The following GALNT13 variants were observed in gnomAD, a reference collection of about 807,000 sequenced individuals.
GALNT13 encodes UDP-GalNAc:polypeptide N-acetylgalactosaminyltransferase 13.
In GALNT13, 28 loss-of-function variants were observed where a neutral mutation model predicts 64.2. That is an observed-to-expected ratio of 0.44 (90% CI 0.32 to 0.60). GALNT13 has a LOEUF of 0.60. Among genes scored for constraint, GALNT13 ranks in the 20% least tolerant of loss-of-function variants. The pLI, the probability that GALNT13 is intolerant of heterozygous loss-of-function variation, is 0.05. For missense variants in GALNT13, 577 were observed against 669.8 expected (o/e 0.86, Z 1.53); for synonymous variants, 214 against 224.6 (o/e 0.95, Z 0.42).
intron 4 of GALNT13, among the ~76,000 whole-genome samples, chr2:154,151,315 TC>T (rs1684005889): frequency 6.6e-6 from 1 of 152,200 alleles, no homozygotes; most frequent in African/African-American, 2.4e-5. Flanking sequence ...TAATTTCTGT[TC>T]TTTTACATTT....
chr2:154,058,222 A>G (rs1334876391), intron 3 of GALNT13, among the ~76,000 whole-genome samples: 1 of 152,128 alleles, frequency 6.6e-6, no homozygotes, highest in African/African-American at 2.4e-5. Context: ...GGCTTTCTGT[A>G]AGTCAGAAAG....
At chr2:154,223,028 T>C (rs1296376725) in intron 4 of GALNT13, among the ~76,000 whole-genome samples, 1 of 152,160 alleles carries the variant, frequency 6.6e-6, no homozygotes, top group African/African-American at 2.4e-5. Context: ...GATTTAAACA[T>C]GTAACTTCTA....
the GALNT13 span, among the ~76,000 whole-genome samples, chr2:153,228,004 A>G: frequency 1.3e-5 from 2 of 152,238 alleles, no homozygotes; most frequent in Non-Finnish European, 2.9e-5. Flanking sequence ...TCTATTCCTT[A>G]TAAGTTGGAT....
chr2:154,034,819 C>T (rs940257699), intron 3 of GALNT13, among the ~76,000 whole-genome samples: 1 of 152,120 alleles, frequency 6.6e-6, no homozygotes, highest in Non-Finnish European at 1.5e-5. Flanking sequence ...AAATGCTCAA[C>T]ACCGCTAATC....
the GALNT13 span, among the ~76,000 whole-genome samples, chr2:153,254,157 G>A: frequency 1.3e-5 from 2 of 152,146 alleles, no homozygotes; most frequent in Non-Finnish European, 2.9e-5. Flanking sequence ...CCTGTTATTG[G>A]TCTATTCAGA....
the GALNT13 span, among the ~76,000 whole-genome samples, chr2:153,332,537 T>TTTTG: frequency 2.8e-4 from 42 of 151,406 alleles, no homozygotes; most frequent in African/African-American, 9.9e-4. Flanking sequence ...GAGTATTGTT[T>TTTTG]TTTTTTTTTT....
At chr2:153,864,435 G>C in the GALNT13 span, among the ~76,000 whole-genome samples, 1 of 152,076 alleles carries the variant, frequency 6.6e-6, no homozygotes, top group Non-Finnish European at 1.5e-5. Context: ...ATTGTGAATG[G>C]GAGTTCACTC....
the GALNT13 span, among the ~76,000 whole-genome samples, chr2:153,224,658 TGAAA>T: frequency 7.9e-4 from 120 of 152,310 alleles, 1 homozygote; most frequent in Admixed American, 2.0e-3. Flanking sequence ...ATATAACTGA[TGAAA>T]GAGTTATCAC....
At chr2:153,310,386 A>G in the GALNT13 span, among the ~76,000 whole-genome samples, 2 of 152,168 alleles carry the variant, frequency 1.3e-5, no homozygotes, top group African/African-American at 4.8e-5. Flanking sequence ...CTTCAACAAT[A>G]TGGGTATGAA....
intron 4 of GALNT13, among the ~76,000 whole-genome samples, chr2:154,233,566 G>T (rs1411425323): frequency 1.3e-5 from 2 of 152,150 alleles, no homozygotes; most frequent in East Asian, 3.9e-4. Context: ...TAGGTAATCT[G>T]TGTGGTTGCT....
chr2:154,070,166 C>T (rs946038607), intron 3 of GALNT13, among the ~76,000 whole-genome samples: 7 of 152,046 alleles, frequency 4.6e-5, no homozygotes, highest in African/African-American at 1.7e-4. Context: ...TCTAGGAATT[C>T]ATAGTCACTC....
At chr2:154,225,740 A>C (rs896410804) in intron 4 of GALNT13, among the ~76,000 whole-genome samples, 1 of 152,208 alleles carries the variant, frequency 6.6e-6, no homozygotes, top group East Asian at 1.9e-4. Context: ...ATACAGGGGA[A>C]GTTTGTCCAT....
intron 4 of GALNT13, among the ~76,000 whole-genome samples, chr2:154,209,675 C>G (rs1403752384): frequency 1.3e-5 from 2 of 152,114 alleles, no homozygotes; most frequent in Non-Finnish European, 1.5e-5. Flanking sequence ...CACATGCCTA[C>G]TACGTTATTT....
At chr2:154,357,337 G>A (rs987182375) in intron 9 of GALNT13, among the ~76,000 whole-genome samples, 22 of 151,958 alleles carry the variant, frequency 1.4e-4, no homozygotes, top group African/African-American at 5.3e-4. Flanking sequence ...TGTATTACTG[G>A]TGAGTATTAA....
the GALNT13 span, among the ~76,000 whole-genome samples, chr2:153,836,781 G>C: frequency 1.3e-5 from 2 of 151,446 alleles, no homozygotes; most frequent in Non-Finnish European, 2.9e-5. Flanking sequence ...CCTTGCGATA[G>C]TTTACTGAGA....
the GALNT13 span, among the ~76,000 whole-genome samples, chr2:153,156,558 T>A: frequency 6.6e-6 from 1 of 152,172 alleles, no homozygotes; most frequent in Non-Finnish European, 1.5e-5. Flanking sequence ...CCCTAACTGA[T>A]TATTGCCATC....
At chr2:153,224,827 T>C in the GALNT13 span, among the ~76,000 whole-genome samples, 1 of 152,206 alleles carries the variant, frequency 6.6e-6, no homozygotes, top group Non-Finnish European at 1.5e-5. Context: ...GCCCTTTACA[T>C]ATTAAATATT....
chr2:154,261,761 T>G (rs1211570408), intron 8 of GALNT13, among the ~76,000 whole-genome samples: 1 of 152,162 alleles, frequency 6.6e-6, no homozygotes, highest in African/African-American at 2.4e-5. Flanking sequence ...ATTTCCTTTA[T>G]AAATTTATGT....
At chr2:154,150,472 G>T (rs1010446224) in intron 4 of GALNT13, among the ~76,000 whole-genome samples, 5 of 152,336 alleles carry the variant, frequency 3.3e-5, no homozygotes, top group East Asian at 1.9e-4. Flanking sequence ...TTCCCTCTTT[G>T]TCTGTTGATT....
Sources: gnomAD v4.1 joint callset for allele counts (sites outside exome capture counted in the v4.1 genomes callset) on GRCh38, gnomAD v4.1.1 for gene constraint, MANE v1.5 for transcripts, NCBI Gene and HGNC (gene_info 2026-07-23, HGNC 2026-07-21) for gene names.